The following GARS1 variants were observed in gnomAD, a reference collection of about 807,000 sequenced individuals.
The protein encoded by GARS1 is glycyl-tRNA synthetase 1.
Under a neutral mutation model 86.4 loss-of-function variants are expected in GARS1, and 46 were observed. That is an observed-to-expected ratio of 0.53 (90% CI 0.42 to 0.68). The LOEUF (loss-of-function observed/expected upper bound fraction) is 0.68, where lower values mean the gene tolerates loss of function less well. Among genes scored for constraint, GARS1 ranks in the 30% least tolerant of loss-of-function variants. The probability of loss-of-function intolerance (pLI) is 0.00; values close to 1 mark genes in which losing one functional copy is unlikely to be tolerated. For synonymous variants in GARS1, 342 were observed against 329.8 expected (o/e 1.04, Z -0.40); for missense variants, 797 against 915.6 (o/e 0.87, Z 1.67).
intron 13 of GARS1, among the ~76,000 whole-genome samples, chr7:30,627,753 C>A (rs544642983): frequency 6.6e-6 from 1 of 152,182 alleles, no homozygotes; most frequent in Non-Finnish European, 1.5e-5. Flanking sequence ...TGGTTCTGAA[C>A]AAGTTCTTAT....
Position 30,603,068 on chromosome 7 carries a change from A to C in GARS1, c.604A>C (p.Met202Leu), listed in dbSNP as rs778174386. The change falls in exon 5 of 17, where the codon ATG (methionine) becomes CTG (leucine). Residue 202 changes from methionine to leucine, a missense_variant. This residue lies in a region of GARS1 where 598 missense variants were observed against 738.7 expected (regional missense o/e 0.81). Transcript: ENST00000389266. Reference protein sequence around the residue: ...SGHVDKFADFMVKDVKNGECF... With the variant: ...SGHVDKFADFLVKDVKNGECF... ...CCATGTAGACAAATTTGCTGACTTC[A>C]TGGTGAAAGACGTAAAAAATGGAGA... 7 of 1,613,822 alleles carry C rather than the reference A, an allele frequency of 4.3e-6. No individual in the cohort carries two copies. The East Asian group carries it at 1.3e-4, about 31-fold the overall frequency.
At chr7:30,601,415 C>T (rs1177408957) in intron 4 of GARS1, among the ~76,000 whole-genome samples, 7 of 152,098 alleles carry the variant, frequency 4.6e-5, no homozygotes, top group Admixed American at 1.3e-4. Flanking sequence ...TTTTTCTGTA[C>T]GTCCCTATGT....
In GARS1 at chr7:30,632,229, T is replaced by C. The variant is rs41275991; in HGVS notation, c.1904-18T>C. ...CTCCATTGTTTTATTTTTAATTTAC[T>C]TTGTTTATTTTGGATAGCGGAAGCC... On this transcript the variant is annotated intron_variant, in intron 15 of 16. Transcript: ENST00000389266. This position sits in a 1 kb window ranked among gnomAD's most constrained non-coding sequence, Gnocchi z 4.1. The C allele has an allele frequency of 6.8e-4, 1,102 of 1,613,106 alleles. No individual in the cohort carries two copies. The highest frequency in any genetic ancestry group is 9.0e-4 in the Non-Finnish European group (1,065 of 1,179,184).
rs746028145 is a variant in GARS1, at chr7:30,632,320, C to T, written c.1977C>T (p.Ala659=). 2 of 1,614,144 alleles carry T rather than the reference C, an allele frequency of 1.2e-6. No homozygotes were observed. The highest frequency in any genetic ancestry group is 1.3e-5 in the African/African-American group (1 of 75,032). Residue 659 remains alanine (A), a synonymous_variant, in exon 16 of 17, where the codon GCC becomes GCT. Coordinates refer to ENST00000389266, the MANE Select transcript of GARS1 (RefSeq NM_002047.4). The surrounding 1 kb of genome is among the most constrained non-coding windows in gnomAD (Gnocchi z 4.1). ...CTGGGTCAATCGGAAGGCGCTATGC[C>T]AGGACTGATGAGATTGGCGTGGCTT... ...DSSGSIGRRY[A]RTDEIGVAFG...
At chr7:30,605,372 C>A (rs902372969) in intron 6 of GARS1, among the ~76,000 whole-genome samples, 2 of 152,206 alleles carry the variant, frequency 1.3e-5, no homozygotes, top group Non-Finnish European at 2.9e-5. Flanking sequence ...CCATTTTTAA[C>A]TTGTTTATGA....
At chr7:30,630,210 A>G (rs1282997264) in intron 14 of GARS1, among the ~76,000 whole-genome samples, 2 of 152,228 alleles carry the variant, frequency 1.3e-5, no homozygotes, top group Non-Finnish European at 2.9e-5. Context: ...TATATTAAAT[A>G]GAAATATCAC....
At chr7:30,625,395 A>G (rs1783108804) in intron 12 of GARS1, among the ~76,000 whole-genome samples, 2 of 152,232 alleles carry the variant, frequency 1.3e-5, no homozygotes, top group Non-Finnish European at 2.9e-5. Context: ...TTCAGTGAAC[A>G]CCAGTCAGAT....
At chr7:30,631,644 A>T in intron 15 of GARS1, 103 bp downstream of exon 15, 1 of 790,376 alleles carries the variant, frequency 1.3e-6, no homozygotes, top group Non-Finnish European at 2.2e-6. Flanking sequence ...CTGAATAAAG[A>T]ATATAAATGA....
chr7:30,625,939 T>G (rs1026716736), intron 12 of GARS1, among the ~76,000 whole-genome samples: 1 of 152,254 alleles, frequency 6.6e-6, no homozygotes, highest in Non-Finnish European at 1.5e-5. Context: ...AAGTTGTTTT[T>G]GGTTTTACCT....
At position 30,622,421 on chromosome 7, in the gene GARS1, G is replaced by GCA; in HGVS notation, c.1572_1573insCA (p.Cys525HisfsTer11). 1 of 1,614,154 alleles carries GCA rather than the reference G, an allele frequency of 6.2e-7. No individual in the cohort carries two copies. Among genetic ancestry groups the GCA allele is most frequent in the Non-Finnish European group, 8.5e-7 (1 of 1,179,998 alleles). ...TGGAGTATCTTGCCATTTGTGATGAGTGCTACATTACAGAAATGGAGATGC... is the reference window on the plus strand; with the variant it reads ...TGGAGTATCTTGCCATTTGTGATGAGCATGCTACATTACAGAAATGGAGATGC... On this transcript the variant is annotated frameshift_variant, in exon 12 of 17. Coordinates refer to ENST00000389266, the MANE Select transcript of GARS1 (RefSeq NM_002047.4). LOFTEE classifies it high-confidence loss of function.
chr7:30,622,568 C>T (rs779149948), intron 12 of GARS1, 106 bp downstream of exon 12: 33 of 1,320,964 alleles, frequency 2.5e-5, no homozygotes, highest in Non-Finnish European at 3.4e-5. Context: ...CAGGTAAGTA[C>T]TGTATCTTGG....
chr7:30,617,837 C>T (rs550503009), intron 10 of GARS1, among the ~76,000 whole-genome samples: 1 of 152,308 alleles, frequency 6.6e-6, no homozygotes, highest in African/African-American at 2.4e-5. Context: ...CAAACATGAA[C>T]ATCAGTATTG....
chr7:30,603,856 G>C (rs1791430177), intron 6 of GARS1, among the ~76,000 whole-genome samples: 1 of 152,124 alleles, frequency 6.6e-6, no homozygotes, highest in African/African-American at 2.4e-5. Context: ...AAAACCACAG[G>C]AGTGACTGAT....
intron 12 of GARS1, 126 bp from the exon 13 acceptor site, chr7:30,626,105 CTTA>C (rs1783121898): frequency 6.3e-6 from 4 of 639,056 alleles, no homozygotes; most frequent in African/African-American, 3.7e-5. Flanking sequence ...TTTGACATCA[CTTA>C]TTATATCTGG....
In GARS1 at chr7:30,633,741, G is replaced by T; in HGVS notation, c.2101G>T (p.Glu701Ter). 2 of 1,613,938 alleles carry T rather than the reference G, an allele frequency of 1.2e-6. No homozygotes were observed. Among genetic ancestry groups the T allele is most frequent in the Non-Finnish European group, 1.7e-6 (2 of 1,179,962 alleles). ...TCTCTTTCCTTGTCTCTAGATCTCTGAGCTGCCCAGCATAGTCCAAGACCT... is the reference window on the plus strand; with the variant it reads ...TCTCTTTCCTTGTCTCTAGATCTCTTAGCTGCCCAGCATAGTCCAAGACCT... ...SMRQIRAEIS[E>*]LPSIVQDLAN... Residue 701 changes from glutamate (E) to a stop codon, truncating the protein, a stop_gained, in exon 17 of 17, where the codon GAG becomes TAG. Transcript: ENST00000389266. LOFTEE classifies it high-confidence loss of function.
Position 30,603,054 on chromosome 7 carries a change from A to G in GARS1, c.590A>G (p.Lys197Arg), listed in dbSNP as rs1791412091. 6.2e-7 allele frequency: 1 copy of G among 1,613,848 alleles called. No individual in the cohort carries two copies. Among genetic ancestry groups the G allele is most frequent in the Non-Finnish European group, 8.5e-7 (1 of 1,179,838 alleles). ...PVLKTSGHVD[K>R]FADFMVKDVK... The stretch of plus-strand genomic sequence containing the variant: ...TTTAGGACCTCTGGCCATGTAGACA[A>G]ATTTGCTGACTTCATGGTGAAAGAC... The change falls in exon 5 of 17, where the codon AAA (lysine) becomes AGA (arginine). Residue 197 changes from lysine (K) to arginine (R), a missense_variant. Physicochemically the swap from Lys to Arg is conservative, Grantham distance 26. Around this residue, in one of 2 missense-constraint regions of GARS1, gnomAD observed 598 missense variants for 738.7 expected, o/e 0.81. Transcript: ENST00000389266.
rs764380383 is a variant in GARS1 at position 30,617,293 on chromosome 7, G to A, written c.1359+15G>A. 6.2e-7 allele frequency: 1 copy of A among 1,612,764 alleles called. No individual in the cohort carries two copies. The highest frequency in any genetic ancestry group is 1.3e-5 in the African/African-American group (1 of 74,908). On this transcript the variant is annotated intron_variant, in intron 10 of 16. Coordinates refer to ENST00000389266, the MANE Select transcript of GARS1 (RefSeq NM_002047.4). Reference sequence around the variant, plus strand: ...AAACATCCTACGTAAGTGGAGTGCTGTTTACCATGTGATTTTCACATTGTT... The same window carrying A: ...AAACATCCTACGTAAGTGGAGTGCTATTTACCATGTGATTTTCACATTGTT...
chr7:30,626,910 G>A (rs1163423490), intron 13 of GARS1: 3 of 325,194 alleles, frequency 9.2e-6, no homozygotes, highest in African/African-American at 6.7e-5. Context: ...GAACCCGGGA[G>A]GTGGAGGTTG....
At chr7:30,603,372 T>C (rs2128132988) in intron 5 of GARS1, 124 bp from the exon 6 acceptor site, 1 of 826,824 alleles carries the variant, frequency 1.2e-6, no homozygotes, top group Non-Finnish European at 2.0e-6. Context: ...TAAAATCAAC[T>C]GTGGGATTCA....
Sources: gnomAD v4.1 joint callset for allele counts (sites outside exome capture counted in the v4.1 genomes callset) on GRCh38, gnomAD v4.1.1 for gene constraint, gnomAD v4.1.1 regional missense constraint, Gnocchi (gnomAD v3.1) non-coding constraint, MANE v1.5 for transcripts, NCBI Gene and HGNC (gene_info 2026-07-23, HGNC 2026-07-21) for gene names.